ZNF397: variants seen among roughly 807,000 people sequenced by gnomAD.
ZNF397 encodes zinc finger and SCAN domain-containing protein 15.
ZNF397 carries 38 observed loss-of-function variants against 50.6 expected under a neutral mutation model. The observed-to-expected ratio is 0.75, with a 90% CI of 0.58 to 0.98. ZNF397 has a LOEUF of 0.98. Among genes scored for constraint, ZNF397 ranks in the 50% least tolerant of loss-of-function variants. ZNF397 has a pLI of 0.00. For synonymous variants in ZNF397, 228 were observed against 215.2 expected (o/e 1.06, Z -0.52); for missense variants, 624 against 624.1 (o/e 1.00, Z 0.00).
downstream of ZNF397, chr18:35,254,299 C>T (rs139857978): frequency 2.5e-5 from 40 of 1,614,066 alleles, no homozygotes; most frequent in African/African-American, 1.2e-4. Context: ...GAAGTTTTCC[C>T]GGCGATATCA....
rs80328176 is a variant in ZNF397, at chr18:35,242,481, A to C, written c.11A>C (p.Glu4Ala). ...CTGTTTCAGCCAAGAATGGCTGTGG[A>C]ATCTGGAGTGATTTCAACCCTGATA... MAVESGVISTLIPQ... is the reference protein window; with the variant it reads MAVASGVISTLIPQ... The change falls in exon 2 of 4, where the codon GAA becomes GCA. Residue 4 changes from glutamate (E) to alanine (A), a missense_variant. Transcript: ENST00000330501. 3.7e-6 allele frequency: 6 copies of C among 1,612,436 alleles called. No homozygotes were observed. Among genetic ancestry groups the C allele is most frequent in the Non-Finnish European group, 5.1e-6 (6 of 1,178,836 alleles).
In ZNF397 at chr18:35,246,061, C is replaced by G. The variant is rs540207529; in HGVS notation, c.1356C>G (p.Pro452=). The change falls in exon 4 of 4, where the codon CCC becomes CCG. Residue 452 remains proline (P), a synonymous_variant. Transcript: ENST00000330501. The part of the protein sequence containing the change: ...THQRIHSGEK[P]YECSECGKAF... ...AGAGAATACATAGTGGAGAGAAACC[C>G]TATGAATGTAGTGAATGTGGAAAAG... 4.5e-6 allele frequency: 7 copies of G among 1,561,018 alleles called. No individual in the cohort carries two copies. The highest frequency in any genetic ancestry group is 1.4e-5 in the African/African-American group (1 of 73,150).
Position 35,246,708 on chromosome 18 carries a change from A to T in ZNF397, c.*398A>T, listed in dbSNP as rs1390872773. ...TGTGAGGCACTTCGTCTCAGGAACT[A>T]AAAAAAAAAAAAAAACTGACCCAAT... On this transcript the variant is annotated 3_prime_UTR_variant, in exon 4 of 4. Coordinates refer to ENST00000330501, the MANE Select transcript of ZNF397 (RefSeq NM_001135178.3). 2.1e-5 allele frequency: 3 copies of T among 143,848 alleles called. No homozygotes were observed. Among genetic ancestry groups the T allele is most frequent in the Non-Finnish European group, 4.0e-5 (3 of 75,610 alleles). The allele number at this position is 143,848 out of a possible 1,614,324, so 8.9% of individuals were successfully genotyped here.
At chr18:35,253,436 T>G (rs1229754477), downstream of ZNF397, 2 of 1,545,480 alleles carry the variant, frequency 1.3e-6, no homozygotes, top group Non-Finnish European at 1.7e-6. Context: ...ATTGTACAAC[T>G]CTTACCCACA....
In ZNF397 at chr18:35,255,458, A is replaced by G. The variant is rs563515525; in HGVS notation, c.817+1056A>G. 7.2e-5 allele frequency among the ~76,000 whole-genome samples: 11 copies of G among 152,216 alleles called. No homozygotes were observed. In the South Asian group the frequency reaches 2.3e-3, roughly 32 times the overall value. On this transcript the variant is annotated intron_variant, in intron 5 of 5. Transcript: ENST00000261333. The stretch of plus-strand genomic sequence containing the variant: ...GCTCAGAGAAGCTAAGTCTGGCCAT[A>G]GAAGTAATAATTGCTAAGAGTTAGG...
In ZNF397 at chr18:35,249,803, CATAA is replaced by C. The variant is rs1340960458; in HGVS notation, c.*3495_*3498del. The C allele has an allele frequency of 6.0e-5, 9 of 150,288 alleles. No individual in the cohort carries two copies. The highest frequency in any genetic ancestry group is 1.0e-4 in the Non-Finnish European group (7 of 67,778). 9.3% of individuals were successfully genotyped at this position (150,288 alleles called of 1,614,324 possible). A position where few individuals can be genotyped will look rare whatever the true frequency, so the allele number is the denominator to read the frequency against. ...ATTTATGTATTAAAAATACTGAAAA[CATAA>C]AGTGCTATACTGGTTATGTGTGGGT... On this transcript the variant is annotated 3_prime_UTR_variant, in exon 4 of 4. Coordinates refer to ENST00000330501, the MANE Select transcript of ZNF397 (RefSeq NM_001135178.3).
At position 35,242,487 on chromosome 18, in the gene ZNF397, G is replaced by C; in HGVS notation, c.17G>C (p.Gly6Ala). ...CAGCCAAGAATGGCTGTGGAATCTG[G>C]AGTGATTTCAACCCTGATACCTCAG... The part of the protein sequence containing the change: MAVES[G>A]VISTLIPQDP... Residue 6 changes from glycine to alanine, a missense_variant, in exon 2 of 4, where the codon GGA becomes GCA. Transcript: ENST00000330501. 6.2e-7 allele frequency: 1 copy of C among 1,612,888 alleles called. No individual in the cohort carries two copies. Among genetic ancestry groups the C allele is most frequent in the Non-Finnish European group, 8.5e-7 (1 of 1,179,154 alleles).
In ZNF397 at chr18:35,249,014, AC is replaced by A. The variant is rs2043525946; in HGVS notation, c.*2705del. ...GAACCCACAACCTGACTGTGGAGCC[AC>A]TTCAGTATACTCTCTCCCCATAAGA... On this transcript the variant is annotated 3_prime_UTR_variant, in exon 4 of 4. Coordinates refer to ENST00000330501, the MANE Select transcript of ZNF397 (RefSeq NM_001135178.3). 6.6e-6 allele frequency: 1 copy of A among 152,166 alleles called. No homozygotes were observed. Among genetic ancestry groups the A allele is most frequent in the Admixed American group, 6.6e-5 (1 of 15,262 alleles). 9.4% of individuals were successfully genotyped at this position (152,166 alleles called of 1,614,324 possible). A position where few individuals can be genotyped will look rare whatever the true frequency, so the allele number is the denominator to read the frequency against.
At chr18:35,253,695 C>A, downstream of ZNF397, 1 of 1,614,172 alleles carries the variant, frequency 6.2e-7, no homozygotes, top group South Asian at 1.1e-5. Flanking sequence ...GCAATACATT[C>A]ATAGCTTTTA....
chr18:35,242,366 A>T (rs976173188), intron 1 of ZNF397, 25 bp from the exon 2 acceptor site: 2 of 1,138,064 alleles, frequency 1.8e-6, no homozygotes, highest in African/African-American at 1.5e-5. Flanking sequence ...GATTGCTGTA[A>T]GTTAACTGCT....
rs1411041519 is a variant in ZNF397 at position 35,245,857 on chromosome 18, CATT to C, written c.1155_1157del (p.Ile386del). ...AAGCATTCAGTCAAAGTTCATATCTCATTATACATCAAAGAATTCACACTGGTG... is the reference window on the plus strand; with the variant it reads ...AAGCATTCAGTCAAAGTTCATATCTCATACATCAAAGAATTCACACTGGTG... On this transcript the variant is annotated inframe_deletion, in exon 4 of 4. Coordinates refer to ENST00000330501, the MANE Select transcript of ZNF397 (RefSeq NM_001135178.3). 5 of 1,553,736 alleles carry C rather than the reference CATT, an allele frequency of 3.2e-6. No homozygotes were observed. The highest frequency in any genetic ancestry group is 2.0e-5 in the Admixed American group (1 of 51,092).
intron 5 of ZNF397, chr18:35,256,925 C>T (rs2043845009): frequency 6.5e-6 from 1 of 152,762 alleles, no homozygotes. Context: ...AGGTGCGCAT[C>T]ATTGCATCCA....
At chr18:35,253,633 A>G (rs1168671529), downstream of ZNF397, 1 of 1,613,982 alleles carries the variant, frequency 6.2e-7, no homozygotes, top group African/African-American at 1.3e-5. Context: ...CTCCAGTGTG[A>G]ATTCTTTGAT....
At chr18:35,253,678 A>G, downstream of ZNF397, 1 of 1,614,072 alleles carries the variant, frequency 6.2e-7, no homozygotes, top group Non-Finnish European at 8.5e-7. Context: ...CAAAAGCCTT[A>G]CCACATGCAA....
intron 5 of ZNF397, among the ~76,000 whole-genome samples, chr18:35,256,527 T>A (rs545023082): frequency 4.4e-4 from 66 of 151,528 alleles, no homozygotes; most frequent in African/African-American, 1.5e-3. Context: ...CACCACTGCA[T>A]GACAGAACAA....
In ZNF397 at chr18:35,245,952, A is replaced by G; in HGVS notation, c.1247A>G (p.Gln416Arg). Reference protein sequence around the residue: ...FSQSSKLIRHQRIHTGERPYE... With the variant: ...FSQSSKLIRHRRIHTGERPYE... ...CAGAGCTCAAAACTCATTAGACATC[A>G]GCGAATTCACACAGGAGAGAGACCC... is the stretch of plus-strand genomic sequence containing the variant. The change falls in exon 4 of 4, where the codon CAG becomes CGG. Residue 416 changes from glutamine to arginine, a missense_variant. Transcript: ENST00000330501. 6.3e-7 allele frequency: 1 copy of G among 1,581,436 alleles called. No homozygotes were observed. Among genetic ancestry groups the G allele is most frequent in the East Asian group, 2.3e-5 (1 of 43,104 alleles).
At chr18:35,251,654 CTGAT>C (rs960417948), downstream of ZNF397, 5 of 152,258 alleles carry the variant, frequency 3.3e-5, no homozygotes, top group East Asian at 1.9e-4. Flanking sequence ...TGAGATTTGG[CTGAT>C]TGATAAGTGC....
rs201487070 is a variant in ZNF397 at position 35,245,277 on chromosome 18, A to G, written c.572A>G (p.Glu191Gly). Residue 191 changes from glutamate to glycine, a missense_variant, in exon 4 of 4, where the codon GAA becomes GGA. Glu to Gly is a moderately conservative substitution (Grantham distance 98). Coordinates refer to ENST00000330501, the MANE Select transcript of ZNF397 (RefSeq NM_001135178.3). The part of the protein sequence containing the change: ...LSPKSDCENS[E>G]TATKEGISEE... ...ATTGTTTCAGATTGTGAGAACAGTG[A>G]AACAGCAACAAAAGAGGGCATCTCA... The G allele has an allele frequency of 1.4e-5, 23 of 1,603,794 alleles. No homozygotes were observed. The highest frequency in any genetic ancestry group is 2.0e-5 in the Non-Finnish European group (23 of 1,173,574).
downstream of ZNF397, chr18:35,252,623 T>C (rs2043638940): frequency 6.6e-6 from 1 of 152,202 alleles, no homozygotes; most frequent in African/African-American, 2.4e-5. Context: ...CCTTTATGTC[T>C]GAGATACCAT....
Sources: allele counts gnomAD v4.1 joint callset (sites outside exome capture counted in the v4.1 genomes callset), GRCh38; gene constraint gnomAD v4.1.1; transcripts MANE v1.5; gene names NCBI Gene and HGNC (gene_info 2026-07-23, HGNC 2026-07-21).